RPTOR: variants seen among roughly 807,000 people sequenced by gnomAD.
RPTOR encodes the protein regulatory-associated protein of mTOR.
Under a neutral mutation model 169.9 loss-of-function variants are expected in RPTOR, and 21 were observed. The ratio of observed to expected loss-of-function variants is 0.12; its 90% CI spans 0.09 to 0.18. The LOEUF is 0.18. Among genes scored for constraint, RPTOR ranks in the 10% least tolerant of loss-of-function variants. The probability of loss-of-function intolerance (pLI) is 1.00; values close to 1 mark genes in which losing one functional copy is unlikely to be tolerated. For missense variants in RPTOR, 1,133 were observed against 1,855.9 expected, an observed-to-expected ratio of 0.61 and a Z score of 7.16; for synonymous variants, 732 against 753.2, an observed-to-expected ratio of 0.97 and a Z score of 0.46.
At chr17:80,885,194 C>G (rs1352356063) in intron 17 of RPTOR, 46 bp downstream of exon 17, 1 of 1,539,512 alleles carries the variant, frequency 6.5e-7, no homozygotes, top group Non-Finnish European at 8.8e-7. Flanking sequence ...CCAGGCTGGA[C>G]CCCGTGACAC....
At chr17:80,677,294 G>A (rs1316278793) in intron 3 of RPTOR, among the ~76,000 whole-genome samples, 2 of 152,268 alleles carry the variant, frequency 1.3e-5, no homozygotes, top group Non-Finnish European at 2.9e-5. Context: ...TGTCTTTGAA[G>A]TGCAGTAAAG....
intron 21 of RPTOR, among the ~76,000 whole-genome samples, chr17:80,914,958 G>A (rs990576288): frequency 6.6e-6 from 1 of 152,248 alleles, no homozygotes; most frequent in African/African-American, 2.4e-5. Context: ...GCCCATGGCT[G>A]CCCATGAATC....
At chr17:80,799,738 C>T (rs1284267858) in intron 7 of RPTOR, among the ~76,000 whole-genome samples, 1 of 148,788 alleles carries the variant, frequency 6.7e-6, no homozygotes, top group African/African-American at 2.6e-5. Flanking sequence ...CCGCCCTGCA[C>T]ACCCCTTCCC....
At chr17:80,758,261 A>G (rs1407663574) in intron 6 of RPTOR, among the ~76,000 whole-genome samples, 7 of 152,230 alleles carry the variant, frequency 4.6e-5, no homozygotes, top group Admixed American at 4.6e-4. Context: ...CCCAGAGGAC[A>G]GAGAACCATG....
At chr17:80,611,227 T>C (rs1354039028) in intron 1 of RPTOR, among the ~76,000 whole-genome samples, 2 of 152,192 alleles carry the variant, frequency 1.3e-5, no homozygotes, top group Non-Finnish European at 2.9e-5. Flanking sequence ...TTGTTTGTTT[T>C]TGAATCATTT....
chr17:80,901,774 A>C (rs577438096), intron 20 of RPTOR, among the ~76,000 whole-genome samples: 1 of 150,774 alleles, frequency 6.6e-6, no homozygotes, highest in Non-Finnish European at 1.5e-5. Context: ...GCCCTGCCCC[A>C]GCGCCTCCCC....
At chr17:80,786,401 T>C (rs778645236) in intron 6 of RPTOR, among the ~76,000 whole-genome samples, 137 of 152,350 alleles carry the variant, frequency 9.0e-4, no homozygotes, top group Non-Finnish European at 1.7e-3. Context: ...TCAATAGTTA[T>C]TTGTATGATA....
intron 3 of RPTOR, among the ~76,000 whole-genome samples, chr17:80,652,007 T>C (rs1257966977): frequency 9.1e-6 from 1 of 110,104 alleles, no homozygotes; most frequent in East Asian, 2.4e-4. Context: ...AGACTCCGTC[T>C]CAAAAAAAAA....
intron 4 of RPTOR, among the ~76,000 whole-genome samples, chr17:80,722,811 C>G (rs2066298284): frequency 6.6e-6 from 1 of 151,290 alleles, no homozygotes; most frequent in South Asian, 2.1e-4. Context: ...TGTTACAGCA[C>G]TGCCAACCAC....
At position 80,867,548 on chromosome 17, in the gene RPTOR, GA is replaced by G. The variant is rs1453726515; in HGVS notation, c.1509+9655del. On this transcript the variant is annotated intron_variant, in intron 13 of 33. Coordinates refer to ENST00000306801, the MANE Select transcript of RPTOR (RefSeq NM_020761.3). Reference sequence around the variant, plus strand: ...GTTCTAGGTAGTACAGTGAGTCAAGGAAAAAAAGGCATTCAAGTTCAAAAGG... The same window carrying G: ...GTTCTAGGTAGTACAGTGAGTCAAGGAAAAAAGGCATTCAAGTTCAAAAGG... Among the ~76,000 whole-genome samples, 46 of 151,918 alleles carry G rather than the reference GA, an allele frequency of 3.0e-4. 1 individual carries two copies. The highest frequency in any genetic ancestry group is 3.0e-3 in the Admixed American group (46 of 15,252).
chr17:80,812,893 A>C (rs1373118395), intron 7 of RPTOR, among the ~76,000 whole-genome samples: 1 of 152,204 alleles, frequency 6.6e-6, no homozygotes, highest in Non-Finnish European at 1.5e-5. Context: ...TCAGCTTTTT[A>C]GATAATGCCC....
At chr17:80,868,613 A>G (rs1276822479) in intron 13 of RPTOR, among the ~76,000 whole-genome samples, 2 of 152,228 alleles carry the variant, frequency 1.3e-5, no homozygotes, top group Non-Finnish European at 2.9e-5. Flanking sequence ...CAATCCAGCC[A>G]TTCCTTTCCT....
At chr17:80,868,731 C>T (rs1272439760) in intron 13 of RPTOR, among the ~76,000 whole-genome samples, 2 of 152,202 alleles carry the variant, frequency 1.3e-5, no homozygotes, top group Admixed American at 1.3e-4. Flanking sequence ...CCTAAATATA[C>T]ATTAACAAGC....
intron 13 of RPTOR, among the ~76,000 whole-genome samples, chr17:80,870,682 A>C (rs2068042370): frequency 6.6e-6 from 1 of 152,258 alleles, no homozygotes; most frequent in Non-Finnish European, 1.5e-5. Context: ...TAGTCTAGTT[A>C]GGACCTGAGC....
chr17:80,719,221 A>G (rs1454978591), intron 4 of RPTOR, among the ~76,000 whole-genome samples: 1 of 152,148 alleles, frequency 6.6e-6, no homozygotes, highest in East Asian at 1.9e-4. Context: ...GGATCCTGGC[A>G]GGTGATGGGG....
chr17:80,620,631 T>C (rs1214336251), intron 1 of RPTOR, among the ~76,000 whole-genome samples: 1 of 152,218 alleles, frequency 6.6e-6, no homozygotes. Context: ...CTGGGCATGC[T>C]GGTAGGCGCC....
chr17:80,900,916 C>T (rs1010128258), intron 20 of RPTOR, among the ~76,000 whole-genome samples: 5 of 152,256 alleles, frequency 3.3e-5, no homozygotes, highest in Non-Finnish European at 7.3e-5. Flanking sequence ...CAGGTCCCCA[C>T]GCCCACAGCA....
chr17:80,826,379 C>T (rs543620991), intron 9 of RPTOR, among the ~76,000 whole-genome samples: 1 of 152,352 alleles, frequency 6.6e-6, no homozygotes, highest in South Asian at 2.1e-4. Context: ...GTGACACTTC[C>T]CGGCCGGCTG....
intron 9 of RPTOR, among the ~76,000 whole-genome samples, chr17:80,827,066 T>C (rs907245339): frequency 6.6e-6 from 1 of 152,190 alleles, no homozygotes; most frequent in Non-Finnish European, 1.5e-5. Flanking sequence ...GCTCCAGGCT[T>C]CCTGGCAAAG....
Sources: allele counts gnomAD v4.1 joint callset (sites outside exome capture counted in the v4.1 genomes callset), GRCh38; gene constraint gnomAD v4.1.1; transcripts MANE v1.5; gene names NCBI Gene and HGNC (gene_info 2026-07-23, HGNC 2026-07-21).